The following RARB variants were observed in gnomAD, a reference collection of about 807,000 sequenced individuals.
RARB encodes retinoic acid receptor beta.
RARB carries 17 observed loss-of-function variants against 51.9 expected under a neutral mutation model. That is an observed-to-expected ratio of 0.33 (90% confidence interval 0.22 to 0.49). The LOEUF (loss-of-function observed/expected upper bound fraction) is 0.49, where lower values mean the gene tolerates loss of function less well. RARB is among the 20% of genes least tolerant of loss of function. The pLI, the probability that RARB is intolerant of heterozygous loss-of-function variation, is 0.99. For missense variants in RARB, 369 were observed against 550.8 expected, an observed-to-expected ratio of 0.67 and a Z score of 3.30; for synonymous variants, 215 against 195.4, an observed-to-expected ratio of 1.10 and a Z score of -0.84.
intron 5 of RARB, among the ~76,000 whole-genome samples, chr3:25,194,968 A>G (rs1701195965): frequency 6.6e-6 from 1 of 151,936 alleles, no homozygotes; most frequent in Non-Finnish European, 1.5e-5. Context: ...AGAGTAAAGG[A>G]TTTATATGGC....
chr3:25,395,704 A>G (rs1157758021), intron 5 of RARB, among the ~76,000 whole-genome samples: 1 of 151,990 alleles, frequency 6.6e-6, no homozygotes, highest in Non-Finnish European at 1.5e-5. Flanking sequence ...GAAACTTTGC[A>G]GTATATTTTG....
intron 2 of RARB, among the ~76,000 whole-genome samples, chr3:24,965,856 A>C (rs1156855523): frequency 1.3e-5 from 2 of 152,124 alleles, no homozygotes; most frequent in Non-Finnish European, 2.9e-5. Context: ...ATACAACATC[A>C]TACTCTTCTG....
At chr3:25,354,926 A>T (rs1705687177) in intron 5 of RARB, among the ~76,000 whole-genome samples, 1 of 151,350 alleles carries the variant, frequency 6.6e-6, no homozygotes, top group South Asian at 2.1e-4. Flanking sequence ...ATAGCATAAC[A>T]CAGAAACCAT....
chr3:24,977,877 A>T (rs1490117181), intron 2 of RARB, among the ~76,000 whole-genome samples: 1 of 152,154 alleles, frequency 6.6e-6, no homozygotes, highest in African/African-American at 2.4e-5. Context: ...TCAGTATGAT[A>T]TTGGCTGTGG....
chr3:25,477,211 A>C (rs1559423640), intron 2 of RARB, among the ~76,000 whole-genome samples: 2 of 152,200 alleles, frequency 1.3e-5, no homozygotes. Context: ...AGGAAAGTAA[A>C]TGCTCATCTG....
intron 5 of RARB, among the ~76,000 whole-genome samples, chr3:25,310,463 C>T (rs779871679): frequency 1.3e-5 from 2 of 152,054 alleles, no homozygotes; most frequent in Admixed American, 1.3e-4. Context: ...AAGTCTCTAC[C>T]CTTGTGGAAA....
chr3:25,037,273 T>C (rs1159708836), intron 2 of RARB, among the ~76,000 whole-genome samples: 1 of 151,476 alleles, frequency 6.6e-6, no homozygotes, highest in East Asian at 1.9e-4. Flanking sequence ...TTTTTTTTTT[T>C]CCTGTTGGCC....
chr3:25,167,923 G>C (rs1293364884), intron 4 of RARB, among the ~76,000 whole-genome samples: 1 of 152,170 alleles, frequency 6.6e-6, no homozygotes, highest in Non-Finnish European at 1.5e-5. Flanking sequence ...AGTTATCCAA[G>C]AGTCCCAAAT....
intron 4 of RARB, among the ~76,000 whole-genome samples, chr3:25,162,069 G>A (rs555081820): frequency 2.6e-5 from 4 of 152,060 alleles, no homozygotes; most frequent in African/African-American, 9.7e-5. Context: ...TGGGTGTGTG[G>A]GTTGGTTTGT....
chr3:25,027,169 T>C (rs1307613691), intron 2 of RARB, among the ~76,000 whole-genome samples: 1 of 152,128 alleles, frequency 6.6e-6, no homozygotes, highest in African/African-American at 2.4e-5. Context: ...AGAGACAATA[T>C]ATTGGCTGTA....
At chr3:25,148,875 G>T (rs1700237140) in intron 4 of RARB, among the ~76,000 whole-genome samples, 1 of 152,196 alleles carries the variant, frequency 6.6e-6, no homozygotes, top group Admixed American at 6.5e-5. Flanking sequence ...GAAAAAGGTT[G>T]TGCATGGCTT....
intron 4 of RARB, among the ~76,000 whole-genome samples, chr3:25,163,504 A>AAAATATATATATATATATAT (rs1303712411): frequency 5.3e-5 from 7 of 131,110 alleles, no homozygotes; most frequent in African/African-American, 2.2e-4. Flanking sequence ...CCTATCTCAA[A>AAAATATATATATATATATAT]ATATATATAT....
intron 3 of RARB, among the ~76,000 whole-genome samples, chr3:25,074,576 C>T (rs1003533555): frequency 6.6e-6 from 1 of 152,118 alleles, no homozygotes; most frequent in Non-Finnish European, 1.5e-5. Context: ...CCCTTCGAAG[C>T]CTGCCAAGTT....
rs565258718 is a variant in RARB at position 25,050,010 on chromosome 3, G to T, written c.-379-10115G>T. Among the ~76,000 whole-genome samples the T allele has an allele frequency of 5.3e-5, 8 of 152,180 alleles. No individual in the cohort carries two copies. In the South Asian group the frequency reaches 6.2e-4, roughly 12 times the overall value. ...GATGATACTATTAACAATTTTGGGA[G>T]GAAAAGTTTAATAGAAGGAAAGGGT... On this transcript the variant is annotated intron_variant, in intron 2 of 11. Coordinates refer to the RARB transcript ENST00000383772.
chr3:25,042,072 C>G (rs1698126173), intron 2 of RARB, among the ~76,000 whole-genome samples: 1 of 152,098 alleles, frequency 6.6e-6, no homozygotes. Context: ...GGCAGCACAT[C>G]CCCATCTTGA....
At chr3:25,547,772 G>A (rs983618655) in intron 3 of RARB, among the ~76,000 whole-genome samples, 1 of 152,210 alleles carries the variant, frequency 6.6e-6, no homozygotes, top group Non-Finnish European at 1.5e-5. Context: ...AGAAGGCAGA[G>A]AGGGAAGAAA....
intron 4 of RARB, among the ~76,000 whole-genome samples, chr3:25,134,937 T>A (rs917630072): frequency 6.6e-6 from 1 of 152,008 alleles, no homozygotes; most frequent in African/African-American, 2.4e-5. Context: ...ATTTCAAAGT[T>A]ACTAATATAT....
At chr3:25,501,722 C>G (rs1697324660) in intron 3 of RARB, among the ~76,000 whole-genome samples, 1 of 152,136 alleles carries the variant, frequency 6.6e-6, no homozygotes, top group Non-Finnish European at 1.5e-5. Context: ...TAACAGTAGT[C>G]ATAATTTGCC....
At chr3:25,008,698 A>C (rs2125278673) in intron 2 of RARB, among the ~76,000 whole-genome samples, 1 of 152,184 alleles carries the variant, frequency 6.6e-6, no homozygotes. Context: ...TGTCAGCAAA[A>C]AATTTAGTCT....
Sources: allele counts gnomAD v4.1 joint callset (sites outside exome capture counted in the v4.1 genomes callset), GRCh38; gene constraint gnomAD v4.1.1; transcripts MANE v1.5; gene names NCBI Gene and HGNC (gene_info 2026-07-23, HGNC 2026-07-21).